The following ARHGAP15 variants were observed in gnomAD, a reference collection of about 807,000 sequenced individuals.
ARHGAP15 encodes the protein rho GTPase-activating protein 15.
A neutral mutation model predicts 63.7 loss-of-function variants in ARHGAP15; 51 were observed. That is an observed-to-expected ratio of 0.80 (90% confidence interval 0.64 to 1.01). The LOEUF is 1.01. Ranked by LOEUF, ARHGAP15 falls within the 50% of genes least tolerant of loss-of-function variation. The pLI is 0.00. For missense variants in ARHGAP15, 560 were observed against 564.6 expected, an observed-to-expected ratio of 0.99 and a Z score of 0.08; for synonymous variants, 191 against 193.8, an observed-to-expected ratio of 0.99 and a Z score of 0.12.
At chr2:143,568,931 C>T (rs868859306) in intron 11 of ARHGAP15, among the ~76,000 whole-genome samples, 18 of 152,152 alleles carry the variant, frequency 1.2e-4, no homozygotes, top group African/African-American at 4.1e-4. Flanking sequence ...TGAAACACCA[C>T]ATGTTCTCAC....
intron 11 of ARHGAP15, among the ~76,000 whole-genome samples, chr2:143,569,698 TA>T (rs1696376181): frequency 6.6e-6 from 1 of 152,156 alleles, no homozygotes; most frequent in Non-Finnish European, 1.5e-5. Context: ...AGCAGAAAAT[TA>T]GCTGAACCTA....
At chr2:143,177,932 A>C (rs1251894218) in intron 2 of ARHGAP15, among the ~76,000 whole-genome samples, 1 of 152,210 alleles carries the variant, frequency 6.6e-6, no homozygotes, top group East Asian at 1.9e-4. Context: ...TATTTACTGT[A>C]TCTACTTAAT....
intron 13 of ARHGAP15, among the ~76,000 whole-genome samples, chr2:143,748,772 C>T (rs577520819): frequency 6.6e-6 from 1 of 152,278 alleles, no homozygotes; most frequent in African/African-American, 2.4e-5. Flanking sequence ...AAGTTAAAAA[C>T]TGACAGGAGG....
intron 11 of ARHGAP15, among the ~76,000 whole-genome samples, chr2:143,563,333 G>T (rs948957382): frequency 4.6e-5 from 7 of 152,038 alleles, no homozygotes; most frequent in Admixed American, 2.6e-4. Context: ...AATCAAATAT[G>T]GTTTTTGCCT....
chr2:143,279,782 T>A (rs1681750906), intron 6 of ARHGAP15, among the ~76,000 whole-genome samples: 1 of 152,202 alleles, frequency 6.6e-6, no homozygotes, highest in Non-Finnish European at 1.5e-5. Flanking sequence ...ATTGATGGTT[T>A]CCTGTTTAGA....
intron 10 of ARHGAP15, chr2:143,522,053 T>C (rs750279808): frequency 3.3e-5 from 5 of 152,200 alleles, no homozygotes; most frequent in Admixed American, 6.6e-5. Flanking sequence ...AAAAGATGCA[T>C]TCTTTATTCA....
chr2:143,169,069 G>C (rs1395519747), intron 2 of ARHGAP15, among the ~76,000 whole-genome samples: 1 of 152,036 alleles, frequency 6.6e-6, no homozygotes. Flanking sequence ...CTTGCAACTG[G>C]CATGTTGAAT....
intron 11 of ARHGAP15, among the ~76,000 whole-genome samples, chr2:143,583,076 G>A (rs966804679): frequency 2.6e-4 from 40 of 152,098 alleles, no homozygotes; most frequent in African/African-American, 9.2e-4. Flanking sequence ...CTGGTCTCAC[G>A]TACAGCTGGC....
intron 1 of ARHGAP15, 65 bp from the exon 2 acceptor site, chr2:143,155,412 C>T: frequency 7.2e-7 from 1 of 1,379,760 alleles, no homozygotes; most frequent in South Asian, 1.4e-5. Flanking sequence ...TAGGGACACT[C>T]CATCAAGAGT....
intron 13 of ARHGAP15, among the ~76,000 whole-genome samples, chr2:143,742,598 T>A (rs1686001925): frequency 6.6e-6 from 1 of 151,050 alleles, no homozygotes; most frequent in Non-Finnish European, 1.5e-5. Context: ...GGAAATTGAG[T>A]CTGTGTTTAC....
chr2:143,136,388 CACA>C (rs1241476885), intron 1 of ARHGAP15, among the ~76,000 whole-genome samples: 4 of 151,734 alleles, frequency 2.6e-5, no homozygotes, highest in African/African-American at 9.7e-5. Context: ...GTGAATACAG[CACA>C]ACATGACACT....
At chr2:143,198,666 G>T (rs1691985272) in intron 2 of ARHGAP15, among the ~76,000 whole-genome samples, 1 of 152,010 alleles carries the variant, frequency 6.6e-6, no homozygotes, top group African/African-American at 2.4e-5. Flanking sequence ...CTTTCTATAG[G>T]TGATTGGAAA....
At chr2:143,664,085 C>A (rs1682004802) in intron 12 of ARHGAP15, among the ~76,000 whole-genome samples, 1 of 151,998 alleles carries the variant, frequency 6.6e-6, no homozygotes, top group African/African-American at 2.4e-5. Context: ...ACAGAACTCT[C>A]CACCCCAAAT....
intron 6 of ARHGAP15, among the ~76,000 whole-genome samples, chr2:143,268,153 C>T (rs1005902269): frequency 1.3e-5 from 2 of 150,398 alleles, no homozygotes; most frequent in Non-Finnish European, 3.0e-5. Flanking sequence ...ACTATCATGG[C>T]AAACTAATTT....
intron 13 of ARHGAP15, among the ~76,000 whole-genome samples, chr2:143,711,744 C>T (rs1684590685): frequency 6.6e-6 from 1 of 152,046 alleles, no homozygotes; most frequent in South Asian, 2.1e-4. Flanking sequence ...GCCTGGGCAA[C>T]ATAGTGAGAA....
chr2:143,202,057 G>T (rs1692139949), intron 2 of ARHGAP15, 77 bp from the exon 3 acceptor site: 2 of 1,077,136 alleles, frequency 1.9e-6, no homozygotes, highest in East Asian at 4.7e-5. Flanking sequence ...ACACTGAATT[G>T]GTTATTTTAT....
At chr2:143,571,843 G>A (rs1468193162) in intron 11 of ARHGAP15, 1 of 152,106 alleles carries the variant, frequency 6.6e-6, no homozygotes, top group Non-Finnish European at 1.5e-5. Flanking sequence ...ATCAGTCCTG[G>A]GGGCTGGAGT....
intron 10 of ARHGAP15, among the ~76,000 whole-genome samples, chr2:143,554,089 T>G (rs1695685777): frequency 6.6e-6 from 1 of 152,190 alleles, no homozygotes. Context: ...TCATTTTTAT[T>G]GTAATAGATA....
intron 11 of ARHGAP15, among the ~76,000 whole-genome samples, chr2:143,572,964 T>A (rs1445036191): frequency 6.6e-6 from 1 of 152,142 alleles, no homozygotes; most frequent in Non-Finnish European, 1.5e-5. Flanking sequence ...TGGAAATTCA[T>A]AAATTAAAAA....
Sources: gnomAD v4.1 joint callset for allele counts (sites outside exome capture counted in the v4.1 genomes callset) on GRCh38, gnomAD v4.1.1 for gene constraint, MANE v1.5 for transcripts, NCBI Gene and HGNC (gene_info 2026-07-23, HGNC 2026-07-21) for gene names.